PDE4A: variants seen among roughly 807,000 people sequenced by gnomAD.
PDE4A encodes the protein phosphodiesterase 4A.
Under a neutral mutation model 73.9 loss-of-function variants are expected in PDE4A, and 21 were observed. The ratio of observed to expected loss-of-function variants is 0.28; its 90% CI spans 0.20 to 0.41. The LOEUF (loss-of-function observed/expected upper bound fraction) is 0.41. Ranked by LOEUF, PDE4A falls within the 10% of genes least tolerant of loss-of-function variation. The pLI is 1.00. For missense variants in PDE4A, 958 were observed against 1,211.4 expected (o/e 0.79, Z 3.10); for synonymous variants, 463 against 505.4 (o/e 0.92, Z 1.13).
At position 10,421,006 on chromosome 19, in the gene PDE4A, C is replaced by A; in HGVS notation, c.242C>A (p.Thr81Lys). ...MDTSDRPGLR[T>K]TRMSWPSSFH... ...ACCAGCGACCGGCCCGGCCTGCGCA[C>A]GACCCGCATGTCCTGGCCCTCGTCC... Residue 81 changes from threonine to lysine, a missense_variant, in exon 1 of 15, where the codon ACG becomes AAG. Physicochemically the swap from Thr to Lys is moderately conservative, Grantham distance 78 (BLOSUM62 -1). Transcript: ENST00000380702. 1 of 1,515,506 alleles carries A rather than the reference C, an allele frequency of 6.6e-7. No homozygotes were observed. Among genetic ancestry groups the A allele is most frequent in the Non-Finnish European group, 8.8e-7 (1 of 1,140,496 alleles). The allele number at this position is 1,515,506 out of a possible 1,614,324, so 93.9% of individuals were successfully genotyped here. A position where few individuals can be genotyped will look rare whatever the true frequency, so the allele number is the denominator to read the frequency against.
intron 10 of PDE4A, 104 bp downstream of exon 10, chr19:10,459,863 T>A: frequency 7.9e-7 from 1 of 1,271,224 alleles, no homozygotes; most frequent in Non-Finnish European, 1.1e-6. Context: ...TCCATCTCTC[T>A]TTGACGCCAT....
At chr19:10,462,621 C>G (rs1003766764) in intron 13 of PDE4A, among the ~76,000 whole-genome samples, 2 of 152,138 alleles carry the variant, frequency 1.3e-5, no homozygotes, top group African/African-American at 4.8e-5. Context: ...CACACCTGAC[C>G]TCTTTCTGTC....
At chr19:10,425,619 G>T (rs1479955739) in intron 1 of PDE4A, among the ~76,000 whole-genome samples, 1 of 152,210 alleles carries the variant, frequency 6.6e-6, no homozygotes, top group South Asian at 2.1e-4. Context: ...ACCTGGGAGA[G>T]CCACAGTCTG....
intron 14 of PDE4A, 21 bp downstream of exon 14, chr19:10,463,996 T>C: frequency 6.2e-7 from 1 of 1,613,926 alleles, no homozygotes; most frequent in Non-Finnish European, 8.5e-7. Flanking sequence ...GGGGCATTGA[T>C]GGACGGGCAC....
At chr19:10,416,983 G>C, upstream of PDE4A, 4 of 1,540,924 alleles carry the variant, frequency 2.6e-6, no homozygotes, top group Non-Finnish European at 3.5e-6. Context: ...GCAGGGACCG[G>C]GGACGAGGTG....
At chr19:10,459,001 TC>T in intron 8 of PDE4A, 1 of 183,010 alleles carries the variant, frequency 5.5e-6, no homozygotes, top group Non-Finnish European at 1.2e-5. Flanking sequence ...CTTCTTCCTT[TC>T]TCCCCTGGGG....
At chr19:10,452,272 T>C (rs2043103225) in intron 6 of PDE4A, among the ~76,000 whole-genome samples, 1 of 151,894 alleles carries the variant, frequency 6.6e-6, no homozygotes, top group Non-Finnish European at 1.5e-5. Context: ...ACCCCGTCTC[T>C]ACTAAACATA....
At chr19:10,417,757 G>A, upstream of PDE4A, 1 of 1,577,766 alleles carries the variant, frequency 6.3e-7, no homozygotes, top group East Asian at 2.3e-5. Context: ...GGCCTGGGCT[G>A]GGCCCAGCCT....
rs897659719 is a variant in PDE4A, at chr19:10,458,647, C to T, written c.1101+545C>T. On this transcript the variant is annotated intron_variant, in intron 8 of 14. Transcript: ENST00000380702. The surrounding 1 kb of genome is among the most constrained non-coding windows in gnomAD (Gnocchi z 4.6). ...TTATTTATTTATTTTGAGATGGAGA[C>T]TCGCTCTGTTGCCCAGGTTGGAGTG... Among the ~76,000 whole-genome samples, 3 of 152,112 alleles carry T rather than the reference C, an allele frequency of 2.0e-5. No individual in the cohort carries two copies. Among genetic ancestry groups the T allele is most frequent in the African/African-American group, 7.2e-5 (3 of 41,390 alleles).
At position 10,459,714 on chromosome 19, in the gene PDE4A, C is replaced by T. The variant is rs747065857; in HGVS notation, c.1320C>T (p.Asp440=). The T allele has an allele frequency of 1.2e-5, 19 of 1,613,976 alleles. No homozygotes were observed. Among genetic ancestry groups the T allele is most frequent in the South Asian group, 8.8e-5 (8 of 91,078 alleles). The stretch of plus-strand genomic sequence containing the variant: ...ACCATAACAGCCTGCACGCAGCTGA[C>T]GTGCTGCAGTCCACCCACGTACTGC... ...VAYHNSLHAA[D]VLQSTHVLLA... is the part of the protein sequence containing the mutation. The change falls in exon 10 of 15, where the codon GAC becomes GAT. Residue 440 remains aspartate (D), a synonymous_variant. Coordinates refer to ENST00000380702, the MANE Select transcript of PDE4A (RefSeq NM_001111307.2).
chr19:10,430,414 T>C (rs899393639), intron 1 of PDE4A, among the ~76,000 whole-genome samples: 1 of 151,730 alleles, frequency 6.6e-6, no homozygotes, highest in Non-Finnish European at 1.5e-5. Flanking sequence ...CCCCGGGATT[T>C]GGGGGGGTAC....
chr19:10,449,056 CCT>C, intron 3 of PDE4A, 22 bp from the exon 4 acceptor site: 1 of 1,612,710 alleles, frequency 6.2e-7, no homozygotes, highest in Non-Finnish European at 8.5e-7. Context: ...GAACCCCACT[CCT>C]CACTGCCGCT....
At chr19:10,432,632 G>C in intron 1 of PDE4A, 3 of 1,452,234 alleles carry the variant, frequency 2.1e-6, no homozygotes, top group Non-Finnish European at 2.8e-6. Flanking sequence ...GGCTGTGCTG[G>C]GGGGGTGGGG....
intron 2 of PDE4A, 135 bp from the exon 3 acceptor site, chr19:10,448,782 A>T (rs1231485466): frequency 3.3e-6 from 5 of 1,503,302 alleles, no homozygotes; most frequent in African/African-American, 2.8e-5. Context: ...CTTATGCAGT[A>T]CAAGTGTTCT....
chr19:10,438,364 GC>G (rs1398762720), intron 1 of PDE4A, among the ~76,000 whole-genome samples: 2 of 151,712 alleles, frequency 1.3e-5, no homozygotes, highest in African/African-American at 4.8e-5. Flanking sequence ...GCCCGCCTCC[GC>G]CTGCCAAAGT....
intron 2 of PDE4A, among the ~76,000 whole-genome samples, chr19:10,447,897 A>G (rs942479795): frequency 1.3e-5 from 2 of 151,696 alleles, no homozygotes; most frequent in African/African-American, 4.8e-5. Context: ...ATTGCTGTAC[A>G]CACCTCAACC....
Position 10,453,433 on chromosome 19 carries a change from C to G in PDE4A, c.784-1396C>G, listed in dbSNP as rs1486114503. The stretch of plus-strand genomic sequence containing the variant: ...GCACGTGTGTGGCCTGGAGATGAAG[C>G]CTTGTGACTGTCTCTGTGTGTGGCC... On this transcript the variant is annotated intron_variant, in intron 6 of 14. Coordinates refer to ENST00000380702, the MANE Select transcript of PDE4A (RefSeq NM_001111307.2). This position sits in a 1 kb window ranked among gnomAD's most constrained non-coding sequence, Gnocchi z 4.6. The G allele has an allele frequency of 7.4e-6, 10 of 1,350,480 alleles. No individual in the cohort carries two copies. Among genetic ancestry groups the G allele is most frequent in the South Asian group, 1.4e-5 (1 of 69,678 alleles). The allele number at this position is 1,350,480 out of a possible 1,614,324, so 83.7% of individuals were successfully genotyped here.
Position 10,461,697 on chromosome 19 carries a change from CGGG to C in PDE4A, c.1620+18_1620+20del. On this transcript the variant is annotated intron_variant, in intron 12 of 14. Coordinates refer to ENST00000380702, the MANE Select transcript of PDE4A (RefSeq NM_001111307.2). ...ATCGACATGGTGGGCGGGGCTGGGG[CGGG>C]ACGGAGCGGGAAAGGAAGCCTAGGA... 9 of 550,176 alleles carry C rather than the reference CGGG, an allele frequency of 1.6e-5. No individual in the cohort carries two copies. Among genetic ancestry groups the C allele is most frequent in the Non-Finnish European group, 2.7e-5 (8 of 294,396 alleles). 34.1% of individuals were successfully genotyped at this position (550,176 alleles called of 1,614,324 possible).
Position 10,450,993 on chromosome 19 carries a change from A to G in PDE4A, c.783+52A>G, listed in dbSNP as rs916414115. The G allele has an allele frequency of 6.6e-6, 10 of 1,521,502 alleles. No individual in the cohort carries two copies. In the Admixed American group the frequency reaches 7.9e-5, roughly 12 times the overall value. 94.3% of individuals were successfully genotyped at this position (1,521,502 alleles called of 1,614,324 possible). A position where few individuals can be genotyped will look rare whatever the true frequency, so the allele number is the denominator to read the frequency against. ...GGGCGGGGCAGGCGGGGGCGGGGCC[A>G]GTGGGTAGAGCCAACCGCTGGATGG... On this transcript the variant is annotated intron_variant, in intron 6 of 14. Transcript: ENST00000380702.
Sources: allele counts gnomAD v4.1 joint callset (sites outside exome capture counted in the v4.1 genomes callset), GRCh38; gene constraint gnomAD v4.1.1; non-coding constraint Gnocchi (gnomAD v3.1); transcripts MANE v1.5; gene names NCBI Gene and HGNC (gene_info 2026-07-23, HGNC 2026-07-21).